NAA11: variants seen among roughly 807,000 people sequenced by gnomAD.
NAA11 encodes the protein N-alpha-acetyltransferase 11, NatA catalytic subunit, also known as N-alpha-acetyltransferase 11.
In NAA11, 15 loss-of-function variants were observed where a neutral mutation model predicts 16.1. That is an observed-to-expected ratio of 0.93 (90% CI 0.62 to 1.44). The LOEUF is 1.44. Ranked by LOEUF, NAA11 falls within the 40% of genes most tolerant of loss-of-function variation. The pLI is 0.00. For synonymous variants in NAA11, 122 were observed against 112.4 expected (o/e 1.09, Z -0.54); for missense variants, 298 against 291.3 (o/e 1.02, Z -0.17).
chr4:79,316,774 G>A lies in NAA11; in HGVS notation c.*1030C>T, dbSNP rs765664854. On this transcript the variant is annotated 3_prime_UTR_variant, in exon 2 of 2. Transcript: ENST00000286794. ...TATAAATATTTACAATTGACATACAGTAGCCATGTATTAAGCAAACACATT... is the reference window on the plus strand; with the variant it reads ...TATAAATATTTACAATTGACATACAATAGCCATGTATTAAGCAAACACATT... 6.6e-6 allele frequency: 1 copy of A among 152,124 alleles called. No homozygotes were observed. The highest frequency in any genetic ancestry group is 1.5e-5 in the Non-Finnish European group (1 of 68,028). 9.4% of individuals were successfully genotyped at this position (152,124 alleles called of 1,614,324 possible). A position where few individuals can be genotyped will look rare whatever the true frequency, so the allele number is the denominator to read the frequency against.
At chr4:79,166,121 G>A in the NAA11 span, among the ~76,000 whole-genome samples, 2 of 152,242 alleles carry the variant, frequency 1.3e-5, no homozygotes, top group East Asian at 1.9e-4. Context: ...TATCCTGGTG[G>A]CATGAAAGAA....
At chr4:79,218,698 T>C in the NAA11 span, among the ~76,000 whole-genome samples, 1 of 152,130 alleles carries the variant, frequency 6.6e-6, no homozygotes, top group African/African-American at 2.4e-5. Context: ...TGGATTTCTA[T>C]GTCTTCTTTG....
intron 2 of NAA11, among the ~76,000 whole-genome samples, chr4:79,259,427 C>T (rs534493437): frequency 6.6e-6 from 1 of 152,304 alleles, no homozygotes; most frequent in African/African-American, 2.4e-5. Context: ...AGCTGCATGC[C>T]CTGCTGCAGC....
At chr4:79,290,541 G>A (rs1350469744) in intron 2 of NAA11, among the ~76,000 whole-genome samples, 1 of 152,012 alleles carries the variant, frequency 6.6e-6, no homozygotes, top group Non-Finnish European at 1.5e-5. Context: ...TGATTGTCTC[G>A]GTTTCTTCTT....
chr4:79,200,747 T>C, the NAA11 span, among the ~76,000 whole-genome samples: 5 of 151,808 alleles, frequency 3.3e-5, no homozygotes, highest in Admixed American at 6.6e-5. Context: ...GTTCTTCCAG[T>C]GAGACCCTAC....
chr4:79,316,217 TAGAA>T (rs1723922503), downstream of NAA11, among the ~76,000 whole-genome samples: 1 of 152,196 alleles, frequency 6.6e-6, no homozygotes, highest in South Asian at 2.1e-4. Context: ...AGACAGATGT[TAGAA>T]AGCTGTAATA....
chr4:79,318,639 T>A (rs1560475267), intron 1 of NAA11, among the ~76,000 whole-genome samples: 1 of 152,194 alleles, frequency 6.6e-6, no homozygotes, highest in Admixed American at 6.5e-5. Flanking sequence ...GGTAATACTA[T>A]GTAAAATCTT....
chr4:79,201,646 T>C, the NAA11 span, among the ~76,000 whole-genome samples: 1 of 151,666 alleles, frequency 6.6e-6, no homozygotes, highest in Admixed American at 6.6e-5. Flanking sequence ...TGTTTGGGAC[T>C]TTTTAAATTT....
the NAA11 span, among the ~76,000 whole-genome samples, chr4:79,196,979 A>AAAAAAAAAAAAAAAAAAAAAG: frequency 5.6e-5 from 7 of 125,546 alleles, no homozygotes; most frequent in Non-Finnish European, 8.4e-5. Context: ...AAAAAAAAAA[A>AAAAAAAAAAAAAAAAAAAAAG]AAAGAAAGAA....
At chr4:79,239,408 T>C (rs897309273) in intron 2 of NAA11, among the ~76,000 whole-genome samples, 4 of 152,020 alleles carry the variant, frequency 2.6e-5, no homozygotes, top group African/African-American at 9.7e-5. Flanking sequence ...TGAGAATAAG[T>C]ATGTGAATGG....
chr4:79,263,237 G>T (rs1187361545), intron 2 of NAA11, among the ~76,000 whole-genome samples: 1 of 152,180 alleles, frequency 6.6e-6, no homozygotes, highest in East Asian at 1.9e-4. Flanking sequence ...ACAAGATATG[G>T]ATGACATTTA....
intron 1 of NAA11, among the ~76,000 whole-genome samples, chr4:79,324,385 G>A (rs1724193881): frequency 6.6e-6 from 1 of 152,102 alleles, no homozygotes; most frequent in South Asian, 2.1e-4. Flanking sequence ...TGGTTTGTTT[G>A]AATCAGTATC....
the NAA11 span, among the ~76,000 whole-genome samples, chr4:79,205,671 T>C: frequency 7.4e-4 from 112 of 152,022 alleles, 4 homozygotes; most frequent in East Asian, 0.018. Flanking sequence ...AGGTCTTAGT[T>C]ATAAATTATT....
chr4:79,181,106 C>G, the NAA11 span, among the ~76,000 whole-genome samples: 1 of 151,698 alleles, frequency 6.6e-6, no homozygotes, highest in Non-Finnish European at 1.5e-5. Context: ...GGAGGGATAC[C>G]ATTAGGAGGT....
the NAA11 span, among the ~76,000 whole-genome samples, chr4:79,158,396 C>A: frequency 6.6e-6 from 1 of 151,908 alleles, no homozygotes; most frequent in Non-Finnish European, 1.5e-5. Flanking sequence ...TAACAATATA[C>A]CTAACTGAGG....
At chr4:79,246,377 TAAAAAAAAAAAA>T (rs869224539) in intron 2 of NAA11, among the ~76,000 whole-genome samples, 28 of 22,464 alleles carry the variant, frequency 1.2e-3, no homozygotes, top group African/African-American at 3.7e-3. Flanking sequence ...CAATAAATAC[TAAAAAAAAAAAA>T]AAAAAAAAAA....
intron 2 of NAA11, among the ~76,000 whole-genome samples, chr4:79,249,880 G>T (rs1230121795): frequency 6.6e-6 from 1 of 152,246 alleles, no homozygotes; most frequent in Non-Finnish European, 1.5e-5. Flanking sequence ...GCTACAGTCT[G>T]CAGCTCTCAC....
chr4:79,161,084 G>GATT, the NAA11 span, among the ~76,000 whole-genome samples: 1 of 152,264 alleles, frequency 6.6e-6, no homozygotes. Flanking sequence ...TTTATTCTGT[G>GATT]ATTCATTTTG....
chr4:79,248,510 C>G (rs1721897671), intron 2 of NAA11, among the ~76,000 whole-genome samples: 1 of 152,172 alleles, frequency 6.6e-6, no homozygotes. Context: ...GACCAGCAGC[C>G]CTGCCTGCCA....
Sources: allele counts gnomAD v4.1 joint callset (sites outside exome capture counted in the v4.1 genomes callset), GRCh38; gene constraint gnomAD v4.1.1; transcripts MANE v1.5; gene names NCBI Gene and HGNC (gene_info 2026-07-23, HGNC 2026-07-21).